TRIM13: variants seen among roughly 807,000 people sequenced by gnomAD.
The protein encoded by TRIM13 is E3 ubiquitin-protein ligase TRIM13.
A neutral mutation model predicts 27.1 loss-of-function variants in TRIM13; 15 were observed. That is an observed-to-expected ratio of 0.55 (90% CI 0.37 to 0.85). TRIM13 has a LOEUF of 0.85. TRIM13 is among the 40% of genes least tolerant of loss of function. The pLI, the probability that TRIM13 is intolerant of heterozygous loss-of-function variation, is 0.00. For missense variants in TRIM13, 402 were observed against 472.2 expected (o/e 0.85, Z 1.38); for synonymous variants, 193 against 171.5 (o/e 1.13, Z -0.98).
At chr13:50,008,954 A>G (rs1319562930) in intron 1 of TRIM13, among the ~76,000 whole-genome samples, 1 of 149,446 alleles carries the variant, frequency 6.7e-6, no homozygotes, top group Non-Finnish European at 1.5e-5. Flanking sequence ...CTTGAGTCCA[A>G]GAGGCAGAAG....
Position 50,015,763 on chromosome 13 carries a change from A to T in TRIM13, c.*2599A>T. ...TTCAGAGAGAGGCTCTTTTCTATGA[A>T]CTTCGTTCTCTAGTTGATCTCTTAA... On this transcript the variant is annotated 3_prime_UTR_variant, in exon 2 of 2. Coordinates refer to ENST00000378182, the MANE Select transcript of TRIM13 (RefSeq NM_213590.3). 1 of 1,614,072 alleles carries T rather than the reference A, an allele frequency of 6.2e-7. No homozygotes were observed. Among genetic ancestry groups the T allele is most frequent in the Non-Finnish European group, 8.5e-7 (1 of 1,179,980 alleles).
chr13:50,008,547 A>G (rs577817804), intron 1 of TRIM13, among the ~76,000 whole-genome samples: 1 of 152,120 alleles, frequency 6.6e-6, no homozygotes, highest in South Asian at 2.1e-4. Context: ...CTGAGGCAGG[A>G]GGATTGCTTG....
At chr13:50,011,323 G>A (rs1875609063) in intron 1 of TRIM13, among the ~76,000 whole-genome samples, 1 of 152,138 alleles carries the variant, frequency 6.6e-6, no homozygotes, top group Admixed American at 6.5e-5. Flanking sequence ...TTCTGTTACT[G>A]TTCTGGTGGT....
rs1273085914 is a variant in TRIM13, at chr13:50,015,114, T to A, written c.*1950T>A. On this transcript the variant is annotated 3_prime_UTR_variant, in exon 2 of 2. Transcript: ENST00000378182. The stretch of plus-strand genomic sequence containing the variant: ...AAAAAAATATATATATATATATATA[T>A]ATATATATATATATATATATATATA... The A allele has an allele frequency of 1.0e-3, 14 of 13,786 alleles. 1 individual carries two copies. The highest frequency in any genetic ancestry group is 2.8e-3 in the African/African-American group (14 of 5,068). The allele number at this position is 13,786 out of a possible 1,614,324, so 0.9% of individuals were successfully genotyped here. A position where few individuals can be genotyped will look rare whatever the true frequency, so the allele number is the denominator to read the frequency against.
At chr13:50,008,141 G>A (rs947619430) in intron 1 of TRIM13, among the ~76,000 whole-genome samples, 4 of 152,000 alleles carry the variant, frequency 2.6e-5, no homozygotes, top group Admixed American at 6.6e-5. Context: ...TCCTGACCTC[G>A]TGATCCGCCT....
intron 1 of TRIM13, among the ~76,000 whole-genome samples, chr13:50,010,456 T>G (rs553222724): frequency 1.3e-5 from 2 of 152,334 alleles, no homozygotes; most frequent in Admixed American, 1.3e-4. Flanking sequence ...TTTCGTGAAC[T>G]TCAAATGGAT....
In TRIM13 at chr13:50,012,889, T is replaced by A; in HGVS notation, c.949T>A (p.Leu317Ile). The change falls in exon 2 of 2, where the codon TTA becomes ATA. Residue 317 changes from leucine to isoleucine, a missense_variant. Physicochemically the swap from Leu to Ile is conservative, Grantham distance 5. Coordinates refer to ENST00000378182, the MANE Select transcript of TRIM13 (RefSeq NM_213590.3). Reference sequence around the variant, plus strand: ...CAAGATTCCCTGGAGCTTTTATAAGTTATTTTTGCTAATCCTTCTGCTTGG... The same window carrying A: ...CAAGATTCCCTGGAGCTTTTATAAGATATTTTTGCTAATCCTTCTGCTTGG... The part of the protein sequence containing the change: ...ISKIPWSFYK[L>I]FLLILLLGLV... 2 of 1,614,046 alleles carry A rather than the reference T, an allele frequency of 1.2e-6. No homozygotes were observed. The highest frequency in any genetic ancestry group is 8.5e-7 in the Non-Finnish European group (1 of 1,180,002).
intron 1 of TRIM13, among the ~76,000 whole-genome samples, chr13:49,998,805 C>T (rs573518900): frequency 6.6e-6 from 1 of 151,732 alleles, no homozygotes; most frequent in African/African-American, 2.4e-5. Context: ...GGTGCGTGCA[C>T]CTGTAATCCC....
chr13:50,007,961 G>A (rs2138388316), intron 1 of TRIM13, among the ~76,000 whole-genome samples: 1 of 151,570 alleles, frequency 6.6e-6, no homozygotes. Context: ...CTGGAGTGCA[G>A]TGGCGCTGTC....
intron 1 of TRIM13, among the ~76,000 whole-genome samples, chr13:49,998,352 A>T (rs1873529937): frequency 6.6e-6 from 1 of 152,164 alleles, no homozygotes; most frequent in African/African-American, 2.4e-5. Flanking sequence ...TCTGGCCTTA[A>T]TTCTGTCACA....
At chr13:50,002,343 C>T (rs1208190301) in intron 1 of TRIM13, among the ~76,000 whole-genome samples, 1 of 151,762 alleles carries the variant, frequency 6.6e-6, no homozygotes. Context: ...GAGACGAGAT[C>T]GCACCATTGC....
chr13:50,012,633 G>A lies in TRIM13; in HGVS notation c.693G>A (p.Met231Ile). The A allele has an allele frequency of 6.2e-7, 1 of 1,614,056 alleles. No individual in the cohort carries two copies. ...ACACCATCTTGCAGGAGCAACGGAT[G>A]GCCTTTAACATTGCTGAGGCTTTCA... is the stretch of plus-strand genomic sequence containing the variant. ...KLNTILQEQR[M>I]AFNIAEAFKD... The change falls in exon 2 of 2, where the codon ATG becomes ATA. Residue 231 changes from methionine (M) to isoleucine (I), a missense_variant. Around this residue, in one of 2 missense-constraint regions of TRIM13, gnomAD observed 202 missense variants for 277.5 expected, o/e 0.73. Transcript: ENST00000378182.
chr13:50,012,841 C>G lies in TRIM13; in HGVS notation c.901C>G (p.Gln301Glu), dbSNP rs1488222112. 6.2e-7 allele frequency: 1 copy of G among 1,614,086 alleles called. No homozygotes were observed. The highest frequency in any genetic ancestry group is 1.7e-5 in the Admixed American group (1 of 60,016). Reference sequence around the variant, plus strand: ...CGATGTGGATAAACTTTCTTTGCCTCAAGACACTGGCACATTCATTAGCAA... The same window carrying G: ...CGATGTGGATAAACTTTCTTTGCCTGAAGACACTGGCACATTCATTAGCAA... ...LVDVDKLSLP[Q>E]DTGTFISKIP... The change falls in exon 2 of 2, where the codon CAA (glutamine) becomes GAA (glutamate). Residue 301 changes from glutamine (Q) to glutamate (E), a missense_variant. Gln to Glu is a conservative substitution (Grantham distance 29). This residue lies in a region of TRIM13 where 200 missense variants were observed against 194.7 expected (regional missense o/e 1.03). Coordinates refer to ENST00000378182, the MANE Select transcript of TRIM13 (RefSeq NM_213590.3).
At chr13:49,999,235 T>A (rs1566430362) in intron 1 of TRIM13, among the ~76,000 whole-genome samples, 1 of 151,788 alleles carries the variant, frequency 6.6e-6, no homozygotes, top group African/African-American at 2.4e-5. Context: ...AAAATTAGGG[T>A]GGGAGGGCCA....
At chr13:49,998,334 A>G (rs765841667) in intron 1 of TRIM13, among the ~76,000 whole-genome samples, 3 of 152,044 alleles carry the variant, frequency 2.0e-5, no homozygotes, top group Non-Finnish European at 2.9e-5. Context: ...TACATTTATG[A>G]TAGGTTATCT....
chr13:50,005,549 G>A (rs771121377), intron 1 of TRIM13, among the ~76,000 whole-genome samples: 9 of 151,030 alleles, frequency 6.0e-5, no homozygotes, highest in African/African-American at 1.9e-4. Context: ...TTGTAGGCGC[G>A]TGTAATCCCA....
At chr13:49,998,626 G>C (rs1295495026) in intron 1 of TRIM13, among the ~76,000 whole-genome samples, 3 of 151,758 alleles carry the variant, frequency 2.0e-5, no homozygotes, top group African/African-American at 7.3e-5. Flanking sequence ...AGCTAGAAAG[G>C]GTAAAAGAGT....
intron 1 of TRIM13, among the ~76,000 whole-genome samples, chr13:49,998,562 G>A (rs529378982): frequency 5.9e-5 from 9 of 151,798 alleles, no homozygotes; most frequent in South Asian, 2.1e-4. Context: ...GTATAGTTTC[G>A]TAGTTTATGG....
chr13:50,012,474 T>G lies in TRIM13; in HGVS notation c.534T>G (p.Asp178Glu), dbSNP rs576035713. 1 of 1,613,982 alleles carries G rather than the reference T, an allele frequency of 6.2e-7. No homozygotes were observed. The highest frequency in any genetic ancestry group is 2.2e-5 in the East Asian group (1 of 44,874). Residue 178 changes from aspartate (D) to glutamate (E), a missense_variant, in exon 2 of 2, where the codon GAT becomes GAG. Physicochemically the swap from Asp to Glu is conservative, Grantham distance 45. Transcript: ENST00000378182. ...KRKSLQLLTK[D>E]SDKVKEFFEK... Reference sequence around the variant, plus strand: ...AATCCCTACAGTTACTGACTAAAGATTCAGATAAAGTGAAGGAATTTTTTG... The same window carrying G: ...AATCCCTACAGTTACTGACTAAAGAGTCAGATAAAGTGAAGGAATTTTTTG...
Sources: gnomAD v4.1 joint callset for allele counts (sites outside exome capture counted in the v4.1 genomes callset) on GRCh38, gnomAD v4.1.1 for gene constraint, gnomAD v4.1.1 regional missense constraint, MANE v1.5 for transcripts, NCBI Gene and HGNC (gene_info 2026-07-23, HGNC 2026-07-21) for gene names.